The following OSBPL10 variants were observed in gnomAD, a reference collection of about 807,000 sequenced individuals.
OSBPL10 encodes the protein oxysterol-binding protein-related protein 10.
OSBPL10 carries 49 observed loss-of-function variants against 81.7 expected under a neutral mutation model. The observed-to-expected ratio is 0.60, with a 90% CI of 0.48 to 0.76. The LOEUF (loss-of-function observed/expected upper bound fraction) is 0.76, where lower values mean the gene tolerates loss of function less well. Ranked by LOEUF, OSBPL10 falls within the 30% of genes least tolerant of loss-of-function variation. OSBPL10 has a pLI of 0.00. For synonymous variants in OSBPL10, 419 were observed against 383.6 expected (o/e 1.09, Z -1.08); for missense variants, 923 against 987.8 (o/e 0.93, Z 0.88).
chr3:31,674,516 C>T (rs1410313050), intron 8 of OSBPL10, among the ~76,000 whole-genome samples: 1 of 152,086 alleles, frequency 6.6e-6, no homozygotes, highest in Non-Finnish European at 1.5e-5. Context: ...GCCATGGTCA[C>T]GTCACTGCAC....
chr3:31,995,664 G>C (rs1699084192), intron 2 of OSBPL10, among the ~76,000 whole-genome samples: 1 of 152,170 alleles, frequency 6.6e-6, no homozygotes. Context: ...ACAGGATTAA[G>C]AGATTAAAAT....
intron 10 of OSBPL10, 68 bp from the exon 11 acceptor site, chr3:31,664,300 C>T: frequency 6.5e-7 from 1 of 1,549,406 alleles, no homozygotes; most frequent in Non-Finnish European, 8.8e-7. Context: ...GGAACTCTGC[C>T]AGGAGCAGCC....
At chr3:31,971,991 G>A (rs575017405) in intron 1 of OSBPL10, among the ~76,000 whole-genome samples, 2 of 152,204 alleles carry the variant, frequency 1.3e-5, no homozygotes, top group South Asian at 2.1e-4. Context: ...CATAAAAAGC[G>A]CTCAAAAATA....
chr3:32,021,957 G>GTC (rs1559550774), intron 2 of OSBPL10, among the ~76,000 whole-genome samples: 1 of 150,460 alleles, frequency 6.6e-6, no homozygotes, highest in Non-Finnish European at 1.5e-5. Context: ...TCCAGCCTGG[G>GTC]CAACAGGAGA....
intron 1 of OSBPL10, among the ~76,000 whole-genome samples, chr3:31,899,859 C>T (rs1020582946): frequency 6.6e-6 from 1 of 152,018 alleles, no homozygotes; most frequent in Non-Finnish European, 1.5e-5. Flanking sequence ...TGGCACACAC[C>T]TGTGGTCCCA....
rs1332156619 is a variant in OSBPL10, at chr3:32,038,209, GCTACAACA to G, written n.298+8274_298+8281del. ...GTATTACCTGCTGCATACAATACAT[GCTACAACA>G]CAGGCGAGCCCCAAAAACATTACGG... On this transcript the variant is annotated intron_variant and non_coding_transcript_variant, in intron 2 of 3. Transcript: ENST00000479173. Among the ~76,000 whole-genome samples, 3 of 152,270 alleles carry G rather than the reference GCTACAACA, an allele frequency of 2.0e-5. No individual in the cohort carries two copies. The East Asian group carries it at 5.8e-4, about 29-fold the overall frequency.
intron 7 of OSBPL10, among the ~76,000 whole-genome samples, chr3:31,698,477 A>C (rs540409895): frequency 4.3e-5 from 6 of 140,800 alleles, no homozygotes; most frequent in African/African-American, 1.5e-4. Flanking sequence ...AATAAAACAA[A>C]AATACAAGTA....
rs754861817 is a variant in OSBPL10 at position 31,661,458 on chromosome 3, A to G, written c.*614T>C. 1.3e-5 allele frequency: 2 copies of G among 152,216 alleles called. No individual in the cohort carries two copies. The highest frequency in any genetic ancestry group is 2.9e-5 in the Non-Finnish European group (2 of 68,058). 9.4% of individuals were successfully genotyped at this position (152,216 alleles called of 1,614,324 possible). A position where few individuals can be genotyped will look rare whatever the true frequency, so the allele number is the denominator to read the frequency against. On this transcript the variant is annotated 3_prime_UTR_variant, in exon 12 of 12. Transcript: ENST00000396556. ...TCCATCCTGCAAGGCTCTGGCATAA[A>G]TCTTTAACAGCTTCCTGCCAACCCC...
chr3:31,931,880 C>A (rs1432215001), intron 1 of OSBPL10, among the ~76,000 whole-genome samples: 3 of 151,906 alleles, frequency 2.0e-5, no homozygotes, highest in African/African-American at 4.8e-5. Context: ...AGTTCGAGAC[C>A]AGCCTAGGCA....
At chr3:31,721,050 A>G (rs1035138036) in intron 6 of OSBPL10, among the ~76,000 whole-genome samples, 5 of 152,108 alleles carry the variant, frequency 3.3e-5, no homozygotes, top group African/African-American at 1.2e-4. Flanking sequence ...TGTAATCACA[A>G]GGGCCCTTAA....
At chr3:31,956,724 G>A (rs980319346) in intron 1 of OSBPL10, among the ~76,000 whole-genome samples, 20 of 150,264 alleles carry the variant, frequency 1.3e-4, no homozygotes, top group East Asian at 2.0e-4. Context: ...GCGAAACTCC[G>A]TCTCAAAAAA....
intron 7 of OSBPL10, among the ~76,000 whole-genome samples, chr3:31,686,098 T>G (rs556326033): frequency 1.3e-5 from 2 of 150,134 alleles, no homozygotes; most frequent in Admixed American, 6.6e-5. Context: ...ACATGATCTC[T>G]GCACACACAC....
At chr3:31,787,240 G>C (rs1250766958) in intron 4 of OSBPL10, among the ~76,000 whole-genome samples, 2 of 152,164 alleles carry the variant, frequency 1.3e-5, no homozygotes, top group Non-Finnish European at 2.9e-5. Flanking sequence ...TTAGGCTTCA[G>C]GGGTATTTGT....
At chr3:31,685,306 G>A (rs1296245291) in intron 7 of OSBPL10, among the ~76,000 whole-genome samples, 5 of 152,256 alleles carry the variant, frequency 3.3e-5, no homozygotes, top group African/African-American at 1.2e-4. Flanking sequence ...GGGTTCAAGT[G>A]ATTCTCCTGC....
chr3:31,968,187 T>G (rs1392896077), intron 1 of OSBPL10, among the ~76,000 whole-genome samples: 1 of 152,170 alleles, frequency 6.6e-6, no homozygotes. Context: ...TTAAAATAAA[T>G]ACTTGACATG....
chr3:31,926,289 G>GCCCCCCCCCCCCCCC (rs36122261), intron 1 of OSBPL10, among the ~76,000 whole-genome samples: 5 of 130,192 alleles, frequency 3.8e-5, no homozygotes, highest in African/African-American at 1.5e-4. Flanking sequence ...GGGTGATTTT[G>GCCCCCCCCCCCCCCC]CCCCCCCAGA....
chr3:31,976,440 AC>A (rs1188387984), intron 1 of OSBPL10, among the ~76,000 whole-genome samples: 3 of 151,954 alleles, frequency 2.0e-5, no homozygotes, highest in African/African-American at 7.3e-5. Context: ...AGTTCACACT[AC>A]TCTTCCTCCC....
At chr3:31,918,015 TTAC>T (rs1404963787) in intron 1 of OSBPL10, among the ~76,000 whole-genome samples, 7 of 151,954 alleles carry the variant, frequency 4.6e-5, no homozygotes, top group Admixed American at 3.3e-4. Flanking sequence ...GACATGAAAA[TTAC>T]TACTTTATAA....
chr3:31,876,698 C>A (rs1307968702), intron 2 of OSBPL10, among the ~76,000 whole-genome samples, 186 bp from the exon 3 acceptor site: 1 of 152,150 alleles, frequency 6.6e-6, no homozygotes, highest in Non-Finnish European at 1.5e-5. Context: ...AGAGACTGCA[C>A]TGAATCCCAC....
Sources: allele counts gnomAD v4.1 joint callset (sites outside exome capture counted in the v4.1 genomes callset), GRCh38; gene constraint gnomAD v4.1.1; transcripts MANE v1.5; gene names NCBI Gene and HGNC (gene_info 2026-07-23, HGNC 2026-07-21).